The following EPHA6 variants were observed in gnomAD, a reference collection of about 807,000 sequenced individuals.
EPHA6 encodes the protein EPH receptor A6.
EPHA6 carries 50 observed loss-of-function variants against 112.0 expected under a neutral mutation model. The observed-to-expected ratio is 0.45, with a 90% confidence interval of 0.36 to 0.56. The LOEUF (loss-of-function observed/expected upper bound fraction) is 0.56. EPHA6 is among the 20% of genes least tolerant of loss of function. The pLI is 0.00. For synonymous variants in EPHA6, 529 were observed against 490.7 expected (o/e 1.08, Z -1.03); for missense variants, 1,280 against 1,417.4 (o/e 0.90, Z 1.56).
intron 14 of EPHA6, chr3:97,646,152 C>G: frequency 6.5e-7 from 1 of 1,534,472 alleles, no homozygotes. Flanking sequence ...GCAATCAGAA[C>G]TGGTTAAAGA....
intron 15 of EPHA6, among the ~76,000 whole-genome samples, chr3:97,730,258 G>T (rs1361025176): frequency 6.6e-6 from 1 of 152,078 alleles, no homozygotes; most frequent in African/African-American, 2.4e-5. Flanking sequence ...AGCAAGAGCA[G>T]AACAGCCTGC....
Position 97,753,936 on chromosome 3 carries a change from C to T in EPHA6, c.*5235C>T, listed in dbSNP as rs191784277. 6.6e-6 allele frequency among the ~76,000 whole-genome samples: 1 copy of T among 151,790 alleles called. No individual in the cohort carries two copies. The highest frequency in any genetic ancestry group is 1.9e-4 in the East Asian group (1 of 5,164). Reference sequence around the variant, plus strand: ...TTATAAGTGGATGTGGCATAATGTACATGTATTCTTGGAAAAAAATTAAAA... The same window carrying T: ...TTATAAGTGGATGTGGCATAATGTATATGTATTCTTGGAAAAAAATTAAAA... On this transcript the variant is annotated 3_prime_UTR_variant, in exon 18 of 18. Coordinates refer to ENST00000389672, the MANE Select transcript of EPHA6 (RefSeq NM_001080448.3).
chr3:96,925,687 C>A (rs1033031053), intron 2 of EPHA6, among the ~76,000 whole-genome samples: 2 of 150,368 alleles, frequency 1.3e-5, no homozygotes, highest in African/African-American at 4.9e-5. Flanking sequence ...CTCACTGCAA[C>A]TTCTGCCTCC....
intron 3 of EPHA6, among the ~76,000 whole-genome samples, chr3:97,095,307 T>C (rs1161987322): frequency 6.6e-6 from 1 of 151,124 alleles, no homozygotes; most frequent in Non-Finnish European, 1.5e-5. Context: ...TGTCATGGGG[T>C]AGGGGGAAAA....
chr3:97,021,865 C>G (rs2044473272), intron 3 of EPHA6, among the ~76,000 whole-genome samples: 1 of 152,168 alleles, frequency 6.6e-6, no homozygotes. Context: ...TCCTTTGCCA[C>G]TTAGATCATC....
chr3:97,290,017 C>T (rs1211806477), intron 5 of EPHA6, among the ~76,000 whole-genome samples: 2 of 152,072 alleles, frequency 1.3e-5, no homozygotes, highest in East Asian at 1.9e-4. Context: ...TTAATTTCTT[C>T]TTCTTTATCT....
rs1359140916 is a variant in EPHA6 at position 97,752,681 on chromosome 3, T to C, written c.*3980T>C. ...AGAACATTTGTACTCACAGAGGATA[T>C]GGGTTCTGGCTTTTCCTTAACTTGA... On this transcript the variant is annotated 3_prime_UTR_variant, in exon 18 of 18. Coordinates refer to ENST00000389672, the MANE Select transcript of EPHA6 (RefSeq NM_001080448.3). Among the ~76,000 whole-genome samples, 2 of 152,108 alleles carry C rather than the reference T, an allele frequency of 1.3e-5. No homozygotes were observed. The highest frequency in any genetic ancestry group is 2.9e-5 in the Non-Finnish European group (2 of 67,968).
intron 2 of EPHA6, among the ~76,000 whole-genome samples, chr3:96,938,936 T>C (rs1368290748): frequency 6.6e-6 from 1 of 152,210 alleles, no homozygotes; most frequent in Non-Finnish European, 1.5e-5. Flanking sequence ...TGAACCAGCC[T>C]TGCATCCCAG....
chr3:96,884,883 G>A (rs1027676846), intron 2 of EPHA6, among the ~76,000 whole-genome samples: 3 of 152,020 alleles, frequency 2.0e-5, no homozygotes, highest in African/African-American at 7.2e-5. Flanking sequence ...CTTTTATTAT[G>A]TTAAGGTATA....
At chr3:96,826,020 G>C (rs2033636961) in intron 1 of EPHA6, among the ~76,000 whole-genome samples, 1 of 151,554 alleles carries the variant, frequency 6.6e-6, no homozygotes, top group African/African-American at 2.4e-5. Flanking sequence ...TGTTATAATT[G>C]CAACACCCTA....
intron 11 of EPHA6, among the ~76,000 whole-genome samples, chr3:97,577,991 A>G (rs559621981): frequency 6.6e-6 from 1 of 152,256 alleles, no homozygotes; most frequent in South Asian, 2.1e-4. Context: ...ATAATTGCCC[A>G]GATAGAGTAA....
intron 10 of EPHA6, among the ~76,000 whole-genome samples, chr3:97,500,244 T>C (rs2107551951): frequency 6.6e-6 from 1 of 152,312 alleles, no homozygotes; most frequent in African/African-American, 2.4e-5. Flanking sequence ...TGTAAGTTCA[T>C]TCTGACATTC....
chr3:97,717,231 CAAA>C (rs748817650), intron 14 of EPHA6, among the ~76,000 whole-genome samples: 2 of 48,792 alleles, frequency 4.1e-5, no homozygotes. Flanking sequence ...AACTCCATCT[CAAA>C]AAAAAAAAAA....
At chr3:97,278,288 C>G (rs1325541114) in intron 5 of EPHA6, among the ~76,000 whole-genome samples, 1 of 152,106 alleles carries the variant, frequency 6.6e-6, no homozygotes, top group Non-Finnish European at 1.5e-5. Flanking sequence ...AAAAAAATAA[C>G]ACTACTTTGA....
intron 1 of EPHA6, among the ~76,000 whole-genome samples, chr3:96,840,001 A>G (rs1216934592): frequency 4.6e-5 from 7 of 152,092 alleles, no homozygotes; most frequent in Non-Finnish European, 7.4e-5. Context: ...AATTATTGCA[A>G]TTTAGACTAG....
intron 2 of EPHA6, 98 bp from the exon 3 acceptor site, chr3:96,987,232 C>T: frequency 3.0e-6 from 3 of 1,014,610 alleles, no homozygotes; most frequent in Admixed American, 2.4e-5. Context: ...CCTTTTAATT[C>T]ATTTTTATTT....
chr3:97,271,604 C>T (rs1470066056), intron 5 of EPHA6, among the ~76,000 whole-genome samples: 3 of 152,174 alleles, frequency 2.0e-5, no homozygotes, highest in Admixed American at 6.5e-5. Flanking sequence ...GTGATCTGCC[C>T]GCCTTGGCCT....
chr3:97,392,436 G>A (rs1446715564), intron 5 of EPHA6, among the ~76,000 whole-genome samples: 6 of 151,620 alleles, frequency 4.0e-5, no homozygotes, highest in Non-Finnish European at 5.9e-5. Context: ...CTGTGTGTGT[G>A]TGTGTATATT....
At chr3:97,611,358 T>A (rs1055338610) in intron 13 of EPHA6, among the ~76,000 whole-genome samples, 33 of 151,966 alleles carry the variant, frequency 2.2e-4, no homozygotes, top group African/African-American at 7.9e-4. Context: ...GGAGGAGGAA[T>A]AAAACTCCTT....
Sources: allele counts gnomAD v4.1 joint callset (sites outside exome capture counted in the v4.1 genomes callset), GRCh38; gene constraint gnomAD v4.1.1; transcripts MANE v1.5; gene names NCBI Gene and HGNC (gene_info 2026-07-23, HGNC 2026-07-21).